Variants in DCHS1 observed in about 807,000 individuals in gnomAD.
DCHS1 encodes the protein dachsous cadherin-related 1.
Under a neutral mutation model 213.9 loss-of-function variants are expected in DCHS1, and 78 were observed. The observed-to-expected ratio is 0.36, with a 90% CI of 0.30 to 0.44. The LOEUF is 0.44. Among genes scored for constraint, DCHS1 ranks in the 20% least tolerant of loss-of-function variants. The probability of loss-of-function intolerance (pLI) is 1.00; values close to 1 mark genes in which losing one functional copy is unlikely to be tolerated. For synonymous variants in DCHS1, 1,828 were observed against 1,873.7 expected (o/e 0.98, Z 0.63); for missense variants, 3,946 against 4,395.9 (o/e 0.90, Z 2.89).
chr11:6,651,153 A>G (rs1180284694), intron 1 of DCHS1, among the ~76,000 whole-genome samples: 1 of 152,188 alleles, frequency 6.6e-6, no homozygotes, highest in Non-Finnish European at 1.5e-5. Context: ...TTGGGGAGAT[A>G]AGACAGGGAA....
chr11:6,631,157 CAG>C lies in DCHS1; in HGVS notation c.3824_3825del (p.Thr1275SerfsTer20). Reference sequence around the variant, plus strand: ...CGCTCTGCTCGGATCAGGGGAGCTGCAGTGAGCAGCTCCCCTGAGTGAGGGTG... The same window carrying C: ...CGCTCTGCTCGGATCAGGGGAGCTGCTGAGCAGCTCCCCTGAGTGAGGGTG... ...SLHPHSGELL[T>X]AAPLIRAERP... On this transcript the variant is annotated frameshift_variant, in exon 9 of 21. Transcript: ENST00000299441. LOFTEE classifies it high-confidence loss of function. 6.2e-7 allele frequency: 1 copy of C among 1,612,338 alleles called. No homozygotes were observed. Among genetic ancestry groups the C allele is most frequent in the Non-Finnish European group, 8.5e-7 (1 of 1,178,892 alleles).
At chr11:6,635,746 T>A (rs1433366863) in intron 2 of DCHS1, among the ~76,000 whole-genome samples, 1 of 152,092 alleles carries the variant, frequency 6.6e-6, no homozygotes, top group East Asian at 1.9e-4. Context: ...TGCGGCACCA[T>A]CTCCAGAAGC....
chr11:6,622,860 C>A lies in DCHS1; in HGVS notation c.8816G>T (p.Gly2939Val). The A allele has an allele frequency of 6.3e-7, 1 of 1,596,482 alleles. No homozygotes were observed. The change falls in exon 21 of 21, where the codon GGG (glycine) becomes GTG (valine). Residue 2939 changes from glycine to valine, a missense_variant. Around this residue, in one of 3 missense-constraint regions of DCHS1, gnomAD observed 554 missense variants for 590.2 expected, o/e 0.94. Coordinates refer to ENST00000299441, the MANE Select transcript of DCHS1 (RefSeq NM_003737.4). This position sits in a 1 kb window ranked among gnomAD's most constrained non-coding sequence, Gnocchi z 5.4. ...AACTCCCAAGGAGGCTGCCACGGCCCCTACTAATAGCAGGTTGAGGTCAGG... is the reference window on the plus strand; with the variant it reads ...AACTCCCAAGGAGGCTGCCACGGCCACTACTAATAGCAGGTTGAGGTCAGG... ...LAPDLNLLLV[G>V]AVAASLGVVV...
Position 6,623,202 on chromosome 11 carries a change from C to A in DCHS1, c.8474G>T (p.Gly2825Val), listed in dbSNP as rs1471697214. 1 of 1,602,134 alleles carries A rather than the reference C, an allele frequency of 6.2e-7. No individual in the cohort carries two copies. The highest frequency in any genetic ancestry group is 1.1e-5 in the South Asian group (1 of 89,038). ...APAFHFQVPE[G>V]ARRGHSLGHV... ...ACCCAAGCTGTGGCCACGCCGGGCA[C>A]CTTCGGGCACTTGGAAGTGGAAAGC... The change falls in exon 21 of 21, where the codon GGT becomes GTT. Residue 2825 changes from glycine (G) to valine (V), a missense_variant. By Grantham distance (109) the Gly-to-Val change is moderately radical. This residue lies in a region of DCHS1 where 3,384 missense variants were observed against 3,780.1 expected (regional missense o/e 0.90). Coordinates refer to ENST00000299441, the MANE Select transcript of DCHS1 (RefSeq NM_003737.4).
At position 6,628,508 on chromosome 11, in the gene DCHS1, C is replaced by A; in HGVS notation, c.5371+113G>T. ...TAAGCATGAAAGAAAAGGTGGACGA[C>A]ATCAAGAGGGAAAAGGAGACCCAGA... On this transcript the variant is annotated intron_variant, in intron 13 of 20. Transcript: ENST00000299441. This position sits in a 1 kb window ranked among gnomAD's most constrained non-coding sequence, Gnocchi z 4.3. The A allele has an allele frequency of 1.7e-6, 2 of 1,191,766 alleles. No individual in the cohort carries two copies. Among genetic ancestry groups the A allele is most frequent in the South Asian group, 2.6e-5 (2 of 76,212 alleles). The allele number at this position is 1,191,766 out of a possible 1,614,324, so 73.8% of individuals were successfully genotyped here.
At position 6,630,841 on chromosome 11, in the gene DCHS1, G is replaced by A. The variant is rs1314410172; in HGVS notation, c.3953C>T (p.Ala1318Val). ...CTCTGCGAGATCTGGGGGCGGCTCGGCCAAGCGAGCTGAGGGAAGCACCTG... is the reference window on the plus strand; with the variant it reads ...CTCTGCGAGATCTGGGGGCGGCTCGACCAAGCGAGCTGAGGGAAGCACCTG... ...LVQVLPSARL[A>V]EPPPDLAERD... Residue 1318 changes from alanine (A) to valine (V), a missense_variant, in exon 10 of 21, where the codon GCC becomes GTC. By Grantham distance (64) the Ala-to-Val change is moderately conservative. Around this residue, in one of 3 missense-constraint regions of DCHS1, gnomAD observed 3,384 missense variants for 3,780.1 expected, o/e 0.90. Transcript: ENST00000299441. The A allele has an allele frequency of 1.3e-6, 2 of 1,526,762 alleles. No homozygotes were observed. Among genetic ancestry groups the A allele is most frequent in the East Asian group, 2.4e-5 (1 of 41,918 alleles). The allele number at this position is 1,526,762 out of a possible 1,614,324, so 94.6% of individuals were successfully genotyped here. A position where few individuals can be genotyped will look rare whatever the true frequency, so the allele number is the denominator to read the frequency against.
chr11:6,654,751 A>G (rs552685854), intron 1 of DCHS1, among the ~76,000 whole-genome samples: 5 of 152,106 alleles, frequency 3.3e-5, no homozygotes, highest in Middle Eastern at 3.4e-3. Flanking sequence ...CTGTGTCCCT[A>G]TGGGTATTTG....
rs764804933 is a variant in DCHS1 at position 6,623,046 on chromosome 11, G to C, written c.8630C>G (p.Pro2877Arg). 1 of 1,576,596 alleles carries C rather than the reference G, an allele frequency of 6.3e-7. No homozygotes were observed. The highest frequency in any genetic ancestry group is 1.2e-5 in the South Asian group (1 of 86,322). ...ALYLRVDSRAPGSGTATSGGG... is the reference protein window; with the variant it reads ...ALYLRVDSRARGSGTATSGGG... ...CCCAGAGGTGGCTGTTCCGCTGCCTGGTGCCCGACTGTCCACCCGCAGGTA... is the reference window on the plus strand; with the variant it reads ...CCCAGAGGTGGCTGTTCCGCTGCCTCGTGCCCGACTGTCCACCCGCAGGTA... Residue 2877 changes from proline to arginine, a missense_variant, in exon 21 of 21, where the codon CCA becomes CGA. Transcript: ENST00000299441.
In DCHS1 at chr11:6,631,651, C is replaced by A. The variant is rs949456473; in HGVS notation, c.3640G>T (p.Ala1214Ser). The stretch of plus-strand genomic sequence containing the variant: ...AGGCCCCCACCAGCAGCTCCTGAAG[C>A]CTGCAGGAACGTGGGGCTGTTGTCG... The part of the protein sequence containing the change: ...LNDNSPTFLQ[A>S]SGAAGGGLPI... Residue 1214 changes from alanine (A) to serine (S), a missense_variant, in exon 7 of 21, where the codon GCT (alanine) becomes TCT (serine). By Grantham distance (99) the Ala-to-Ser change is moderately conservative. Around this residue, in one of 3 missense-constraint regions of DCHS1, gnomAD observed 3,384 missense variants for 3,780.1 expected, o/e 0.90. Transcript: ENST00000299441. 1 of 1,598,092 alleles carries A rather than the reference C, an allele frequency of 6.3e-7. No individual in the cohort carries two copies. Among genetic ancestry groups the A allele is most frequent in the South Asian group, 1.1e-5 (1 of 88,226 alleles).
rs35172781 is a variant in DCHS1, at chr11:6,655,390, GC to G, written c.-121+172del. Among the ~76,000 whole-genome samples, 5 of 151,034 alleles carry G rather than the reference GC, an allele frequency of 3.3e-5. No homozygotes were observed. In the South Asian group the frequency reaches 8.4e-4, roughly 25 times the overall value. On this transcript the variant is annotated intron_variant, in intron 1 of 20. Coordinates refer to ENST00000299441, the MANE Select transcript of DCHS1 (RefSeq NM_003737.4). ...ACGCACACAAAGACCCCCAGGCCCT[GC>G]CCCCACGCTCACGTTCACGCCCGCC... is the stretch of plus-strand genomic sequence containing the variant.
At chr11:6,636,002 G>T (rs879582826) in intron 2 of DCHS1, among the ~76,000 whole-genome samples, 2 of 152,054 alleles carry the variant, frequency 1.3e-5, no homozygotes, top group Non-Finnish European at 2.9e-5. Flanking sequence ...CTCCCATTCT[G>T]CCCCAAAGCC....
In DCHS1 at chr11:6,629,777, C is replaced by A. The variant is rs1391428206; in HGVS notation, c.4930G>T (p.Asp1644Tyr). 1 of 1,613,714 alleles carries A rather than the reference C, an allele frequency of 6.2e-7. No homozygotes were observed. The highest frequency in any genetic ancestry group is 1.1e-5 in the South Asian group (1 of 91,090). ...VLTVSVADVN[D>Y]EAPTFQQQEY... ...TGCTGCTGGAAAGTAGGCGCCTCGT[C>A]GTTGACGTCAGCGACACTGACGGTC... The change falls in exon 11 of 21, where the codon GAC (aspartate) becomes TAC (tyrosine). Residue 1644 changes from aspartate to tyrosine, a missense_variant. Around this residue, in one of 3 missense-constraint regions of DCHS1, gnomAD observed 3,384 missense variants for 3,780.1 expected, o/e 0.90. Transcript: ENST00000299441.
chr11:6,651,760 G>C (rs897247292), intron 1 of DCHS1, among the ~76,000 whole-genome samples: 5 of 152,188 alleles, frequency 3.3e-5, no homozygotes, highest in African/African-American at 1.2e-4. Context: ...TGGATTATGG[G>C]ATACGTGGAG....
chr11:6,632,937 G>C lies in DCHS1; in HGVS notation c.2575C>G (p.Pro859Ala), dbSNP rs770011517. The C allele has an allele frequency of 6.2e-7, 1 of 1,613,932 alleles. No individual in the cohort carries two copies. The highest frequency in any genetic ancestry group is 8.5e-7 in the Non-Finnish European group (1 of 1,179,910). ...LRPLDRELLG[P>A]VLELEVRAGS... ...GCTCGCACCTCCAGCTCCAACACTG[G>C]TCCCAGTAGCTCCCGGTCCAGAGGG... Residue 859 changes from proline to alanine, a missense_variant, in exon 6 of 21, where the codon CCA becomes GCA. Physicochemically the swap from Pro to Ala is conservative, Grantham distance 27. Around this residue, in one of 3 missense-constraint regions of DCHS1, gnomAD observed 3,384 missense variants for 3,780.1 expected, o/e 0.90. Transcript: ENST00000299441. This position sits in a 1 kb window ranked among gnomAD's most constrained non-coding sequence, Gnocchi z 5.9.
rs756415968 is a variant in DCHS1, at chr11:6,640,914, G to A, written c.700C>T (p.Pro234Ser). The change falls in exon 2 of 21, where the codon CCC (proline) becomes TCC (serine). Residue 234 changes from proline (P) to serine (S), a missense_variant. Around this residue, in one of 3 missense-constraint regions of DCHS1, gnomAD observed 3,384 missense variants for 3,780.1 expected, o/e 0.90. Transcript: ENST00000299441. This position sits in a 1 kb window ranked among gnomAD's most constrained non-coding sequence, Gnocchi z 6.5. ...TCCAGCAGGGCCTGGGCCCTCCGGG[G>A]GGGTGAACCACCATCATAGGCCTCC... ...QLEAYDGGSPPRRAQALLDVT... is the reference protein window; with the variant it reads ...QLEAYDGGSPSRRAQALLDVT... 8.1e-6 allele frequency: 13 copies of A among 1,614,062 alleles called. No homozygotes were observed. The highest frequency in any genetic ancestry group is 1.1e-5 in the Non-Finnish European group (13 of 1,179,902).
In DCHS1 at chr11:6,627,493, T is replaced by C. The variant is rs767295173; in HGVS notation, c.5546A>G (p.Asn1849Ser). 15 of 1,611,892 alleles carry C rather than the reference T, an allele frequency of 9.3e-6. No homozygotes were observed. Among genetic ancestry groups the C allele is most frequent in the Admixed American group, 5.0e-5 (3 of 59,748 alleles). The change falls in exon 14 of 21, where the codon AAT (asparagine) becomes AGT (serine). Residue 1849 changes from asparagine (N) to serine (S), a missense_variant. This residue lies in a region of DCHS1 where 3,384 missense variants were observed against 3,780.1 expected (regional missense o/e 0.90). Transcript: ENST00000299441. This position sits in a 1 kb window ranked among gnomAD's most constrained non-coding sequence, Gnocchi z 5.4. ...LLLTVTVLDA[N>S]DHAPAFPVPA... The stretch of plus-strand genomic sequence containing the variant: ...CACAGGAAAGGCTGGAGCATGGTCA[T>C]TGGCATCCAGCACTGTCACTGTCAA...
At chr11:6,654,748 C>T (rs1181993874) in intron 1 of DCHS1, among the ~76,000 whole-genome samples, 1 of 152,054 alleles carries the variant, frequency 6.6e-6, no homozygotes, top group Admixed American at 6.5e-5. Context: ...TGACTGTGTC[C>T]CTATGGGTAT....
rs567880738 is a variant in DCHS1, at chr11:6,622,792, G to A, written c.8884C>T (p.Arg2962Trp). Residue 2962 changes from arginine (R) to tryptophan (W), a missense_variant, in exon 21 of 21, where the codon CGG (arginine) becomes TGG (tryptophan). Transcript: ENST00000299441. This position sits in a 1 kb window ranked among gnomAD's most constrained non-coding sequence, Gnocchi z 5.4. Reference protein sequence around the residue: ...ALAALVLGLVRARSRKAEAAP... With the variant: ...ALAALVLGLVWARSRKAEAAP... ...GCCTCAGCCTTGCGGCTACGGGCCC[G>A]AACAAGTCCTAGGACCAGGGCTGCC... is the stretch of plus-strand genomic sequence containing the variant. 4.6e-5 allele frequency: 73 copies of A among 1,593,180 alleles called. No individual in the cohort carries two copies. Among genetic ancestry groups the A allele is most frequent in the South Asian group, 6.8e-5 (6 of 87,810 alleles).
Position 6,640,675 on chromosome 11 carries a change from C to T in DCHS1, c.939G>A (p.Leu313=), listed in dbSNP as rs1010690072. 1 of 1,613,364 alleles carries T rather than the reference C, an allele frequency of 6.2e-7. No homozygotes were observed. Among genetic ancestry groups the T allele is most frequent in the Non-Finnish European group, 8.5e-7 (1 of 1,179,900 alleles). Residue 313 remains leucine, a synonymous_variant, in exon 2 of 21, where the codon CTG becomes CTA. Coordinates refer to ENST00000299441, the MANE Select transcript of DCHS1 (RefSeq NM_003737.4). This position sits in a 1 kb window ranked among gnomAD's most constrained non-coding sequence, Gnocchi z 6.5. ...GPFSIDAHTG[L]LQLERPLDFE... Reference sequence around the variant, plus strand: ...AGTCCAGTGGCCGCTCTAACTGCAGCAGCCCCGTGTGTGCGTCGATGGAGA... The same window carrying T: ...AGTCCAGTGGCCGCTCTAACTGCAGTAGCCCCGTGTGTGCGTCGATGGAGA...
Sources: gnomAD v4.1 joint callset for allele counts (sites outside exome capture counted in the v4.1 genomes callset) on GRCh38, gnomAD v4.1.1 for gene constraint, gnomAD v4.1.1 regional missense constraint, Gnocchi (gnomAD v3.1) non-coding constraint, MANE v1.5 for transcripts, NCBI Gene and HGNC (gene_info 2026-07-23, HGNC 2026-07-21) for gene names.